ME2: variants seen among roughly 807,000 people sequenced by gnomAD.
ME2 encodes malic enzyme 2.
A neutral mutation model predicts 73.7 loss-of-function variants in ME2; 60 were observed. The observed-to-expected ratio is 0.81, with a 90% CI of 0.66 to 1.01. ME2 has a LOEUF of 1.01. Among genes scored for constraint, ME2 ranks in the 50% least tolerant of loss-of-function variants. The pLI is 0.00. For missense variants in ME2, 594 were observed against 705.5 expected (o/e 0.84, Z 1.79); for synonymous variants, 199 against 236.9 (o/e 0.84, Z 1.47).
intron 2 of ME2, among the ~76,000 whole-genome samples, chr18:50,902,213 A>G (rs1051724306): frequency 2.6e-5 from 4 of 152,214 alleles, no homozygotes; most frequent in Non-Finnish European, 4.4e-5. Context: ...AGATTTAAGG[A>G]CATGCTCAAG....
At chr18:50,900,159 T>C (rs1235341093) in intron 2 of ME2, among the ~76,000 whole-genome samples, 1 of 152,010 alleles carries the variant, frequency 6.6e-6, no homozygotes, top group Non-Finnish European at 1.5e-5. Flanking sequence ...CCACTCCTCA[T>C]GGCTTGCATT....
intron 1 of ME2, among the ~76,000 whole-genome samples, chr18:50,891,592 A>G (rs1916606235): frequency 6.6e-6 from 1 of 152,162 alleles, no homozygotes; most frequent in African/African-American, 2.4e-5. Context: ...TACCATAGAC[A>G]TGAGTGGAAT....
In ME2 at chr18:50,948,640, T is replaced by G. The variant is rs1348051454; in HGVS notation, c.*1456T>G. 6.7e-6 allele frequency: 1 copy of G among 148,998 alleles called. No individual in the cohort carries two copies. The highest frequency in any genetic ancestry group is 2.5e-5 in the African/African-American group (1 of 40,174). The allele number at this position is 148,998 out of a possible 1,614,324, so 9.2% of individuals were successfully genotyped here. The stretch of plus-strand genomic sequence containing the variant: ...CTCACTGCAACCTCTGCCTCCCAGG[T>G]TCAAGCAGTTCTCCTGCCTCAGCCT... On this transcript the variant is annotated 3_prime_UTR_variant, in exon 16 of 16. Transcript: ENST00000321341.
intron 15 of ME2, among the ~76,000 whole-genome samples, chr18:50,946,118 A>ATAAATAAG (rs1487858539): frequency 4.6e-5 from 7 of 151,664 alleles, no homozygotes; most frequent in Non-Finnish European, 2.9e-5. Context: ...TCTTAAATAA[A>ATAAATAAG]TAAATAAATA....
At chr18:50,930,129 G>C (rs1030572251) in intron 12 of ME2, among the ~76,000 whole-genome samples, 1 of 151,984 alleles carries the variant, frequency 6.6e-6, no homozygotes, top group South Asian at 2.1e-4. Flanking sequence ...GCATGGTGGC[G>C]CACACCTGTG....
chr18:50,923,457 A>G (rs571361714), intron 10 of ME2, among the ~76,000 whole-genome samples: 36 of 152,276 alleles, frequency 2.4e-4, no homozygotes, highest in Middle Eastern at 3.4e-3. Flanking sequence ...TTTCTAAAAT[A>G]TGAAAAATTC....
chr18:50,906,285 T>G lies in ME2; in HGVS notation c.109-1778T>G, dbSNP rs1000355387. On this transcript the variant is annotated intron_variant, in intron 2 of 15. Transcript: ENST00000321341. ...CCAGGGTTTGTTGTATTGCTGCTACTTTTGCTTGTTTAGTGATATTTCCAA... is the reference window on the plus strand; with the variant it reads ...CCAGGGTTTGTTGTATTGCTGCTACGTTTGCTTGTTTAGTGATATTTCCAA... Among the ~76,000 whole-genome samples the G allele has an allele frequency of 2.6e-5, 4 of 152,272 alleles. No individual in the cohort carries two copies. The South Asian group carries it at 8.3e-4, about 32-fold the overall frequency.
intron 6 of ME2, 34 bp downstream of exon 6, chr18:50,917,542 C>T (rs747803912): frequency 2.1e-6 from 3 of 1,456,298 alleles, no homozygotes; most frequent in Admixed American, 3.7e-5. Context: ...TTATCTTCCT[C>T]CTGTATTTTT....
intron 2 of ME2, among the ~76,000 whole-genome samples, 196 bp downstream of exon 2, chr18:50,896,124 A>G (rs1200389592): frequency 6.6e-6 from 1 of 152,152 alleles, no homozygotes; most frequent in Non-Finnish European, 1.5e-5. Context: ...CATCCTCATG[A>G]CTTTTACCAC....
At chr18:50,918,598 T>C (rs1469187976) in intron 7 of ME2, among the ~76,000 whole-genome samples, 1 of 152,186 alleles carries the variant, frequency 6.6e-6, no homozygotes, top group Non-Finnish European at 1.5e-5. Flanking sequence ...CTCTACCTCT[T>C]TGCACCGTCA....
Position 50,953,092 on chromosome 18 carries a change from C to CTTTTT in ME2, c.*5922_*5926dup, listed in dbSNP as rs558021689. 646 of 133,274 alleles carry CTTTTT rather than the reference C, an allele frequency of 4.8e-3. No homozygotes were observed. The highest frequency in any genetic ancestry group is 5.5e-3 in the African/African-American group (193 of 35,138). 8.3% of individuals were successfully genotyped at this position (133,274 alleles called of 1,614,324 possible). A position where few individuals can be genotyped will look rare whatever the true frequency, so the allele number is the denominator to read the frequency against. On this transcript the variant is annotated 3_prime_UTR_variant, in exon 16 of 16. Coordinates refer to ENST00000321341, the MANE Select transcript of ME2 (RefSeq NM_002396.5). The stretch of plus-strand genomic sequence containing the variant: ...CTTCAGATGAGAATTCTCACTTATT[C>CTTTTT]TTTTTTTTTTTTTTTTTTCTTTTCT...
At chr18:50,901,070 A>C (rs1266609623) in intron 2 of ME2, among the ~76,000 whole-genome samples, 1 of 152,234 alleles carries the variant, frequency 6.6e-6, no homozygotes, top group East Asian at 1.9e-4. Flanking sequence ...ATAATTGTGG[A>C]TTTGTGATGA....
rs564269423 is a variant in ME2 at position 50,920,471 on chromosome 18, A to T, written c.750A>T (p.Thr250=). Residue 250 remains threonine (T), a synonymous_variant, in exon 8 of 16, where the codon ACA becomes ACT. Coordinates refer to ENST00000321341, the MANE Select transcript of ME2 (RefSeq NM_002396.5). ...CTGTTTTTAGATATGGCCGGAACAC[A>T]CTCATTCAGTTCGAAGACTTTGGAA... ...KAITDRYGRN[T]LIQFEDFGNH... is the part of the protein sequence containing the mutation. 18 of 1,598,322 alleles carry T rather than the reference A, an allele frequency of 1.1e-5. No individual in the cohort carries two copies. In the South Asian group the frequency reaches 2.0e-4, roughly 17 times the overall value.
intron 15 of ME2, 39 bp from the exon 16 acceptor site, chr18:50,946,975 TTAA>T: frequency 7.0e-7 from 1 of 1,436,096 alleles, no homozygotes; most frequent in African/African-American, 1.4e-5. Flanking sequence ...CTCTAATAGG[TTAA>T]TACTCAGAGC....
rs1399675257 is a variant in ME2, at chr18:50,951,449, C to A, written c.*4265C>A. On this transcript the variant is annotated 3_prime_UTR_variant, in exon 16 of 16. Transcript: ENST00000321341. ...CCCAGTCAGTATCCTTCAAGGATAA[C>A]TTTTTCATACCTTTTTTTTGGTTTG... 3 of 151,826 alleles carry A rather than the reference C, an allele frequency of 2.0e-5. No individual in the cohort carries two copies. The highest frequency in any genetic ancestry group is 2.1e-4 in the South Asian group (1 of 4,808). 9.4% of individuals were successfully genotyped at this position (151,826 alleles called of 1,614,324 possible). A position where few individuals can be genotyped will look rare whatever the true frequency, so the allele number is the denominator to read the frequency against.
chr18:50,894,006 A>G (rs2144193823), intron 1 of ME2, among the ~76,000 whole-genome samples: 1 of 152,364 alleles, frequency 6.6e-6, no homozygotes, highest in African/African-American at 2.4e-5. Flanking sequence ...ATGACTATTT[A>G]ATATGAGTGA....
At chr18:50,927,138 GT>G (rs1244172223) in intron 12 of ME2, among the ~76,000 whole-genome samples, 2 of 152,002 alleles carry the variant, frequency 1.3e-5, no homozygotes, top group African/African-American at 2.4e-5. Context: ...TGACATTTGG[GT>G]TTTTTTCCTA....
intron 13 of ME2, among the ~76,000 whole-genome samples, chr18:50,938,297 C>CT (rs1219074168): frequency 6.6e-6 from 1 of 152,152 alleles, no homozygotes; most frequent in Non-Finnish European, 1.5e-5. Context: ...GTACTCCAGC[C>CT]TGAGTGACAG....
chr18:50,922,984 T>C (rs1207816969), intron 10 of ME2, among the ~76,000 whole-genome samples: 1 of 152,220 alleles, frequency 6.6e-6, no homozygotes, highest in Admixed American at 6.5e-5. Flanking sequence ...AGTTGGTTTT[T>C]GCATTCAGTA....
Sources: gnomAD v4.1 joint callset for allele counts (sites outside exome capture counted in the v4.1 genomes callset) on GRCh38, gnomAD v4.1.1 for gene constraint, MANE v1.5 for transcripts, NCBI Gene and HGNC (gene_info 2026-07-23, HGNC 2026-07-21) for gene names.